The following CANX variants were observed in gnomAD, a reference collection of about 807,000 sequenced individuals.
CANX encodes calnexin, also known as epididymis secretory sperm binding protein.
CANX carries 14 observed loss-of-function variants against 75.7 expected under a neutral mutation model. The observed-to-expected ratio is 0.19, with a 90% CI of 0.12 to 0.29. The LOEUF (loss-of-function observed/expected upper bound fraction) is 0.29. Ranked by LOEUF, CANX falls within the 10% of genes least tolerant of loss-of-function variation. CANX has a pLI of 1.00. For missense variants in CANX, 567 were observed against 713.2 expected, an observed-to-expected ratio of 0.79 and a Z score of 2.34; for synonymous variants, 227 against 236.9, an observed-to-expected ratio of 0.96 and a Z score of 0.38.
chr5:179,698,787 A>G, upstream of CANX: 1 of 661,106 alleles, frequency 1.5e-6, no homozygotes, highest in Admixed American at 3.0e-5. Flanking sequence ...GCCAATCTTC[A>G]CACTCCACGA....
At chr5:179,714,629 T>C (rs1229736355) in intron 7 of CANX, among the ~76,000 whole-genome samples, 2 of 152,164 alleles carry the variant, frequency 1.3e-5, no homozygotes, top group Non-Finnish European at 2.9e-5. Flanking sequence ...GCCATTCTCC[T>C]GCCTCAGCCT....
At position 179,719,699 on chromosome 5, in the gene CANX, G is replaced by A. The variant is rs1291175824; in HGVS notation, c.943G>A (p.Glu315Lys). The change falls in exon 9 of 15, where the codon GAA becomes AAA. Residue 315 changes from glutamate to lysine, a missense_variant. Physicochemically the swap from Glu to Lys is moderately conservative, Grantham distance 56. Transcript: ENST00000247461. ...AGATGCCCCTGCTAAGATTCCAGAT[G>A]AAGAGGCCACAAAACCCGAAGGCTG... ...DEDAPAKIPD[E>K]EATKPEGWLD... is the part of the protein sequence containing the mutation. The A allele has an allele frequency of 6.2e-7, 1 of 1,612,480 alleles. No individual in the cohort carries two copies. Among genetic ancestry groups the A allele is most frequent in the Non-Finnish European group, 8.5e-7 (1 of 1,179,112 alleles).
intron 7 of CANX, 173 bp from the exon 8 acceptor site, chr5:179,715,932 A>G (rs547626863): frequency 5.8e-6 from 4 of 694,716 alleles, no homozygotes; most frequent in South Asian, 3.0e-5. Flanking sequence ...TGTTTCGTGC[A>G]TAAGGAAATG....
intron 5 of CANX, 49 bp from the exon 6 acceptor site, chr5:179,708,929 C>G: frequency 1.1e-6 from 1 of 942,636 alleles, no homozygotes; most frequent in Non-Finnish European, 1.8e-6. Context: ...AAGAGAGTTT[C>G]GATCTTTCAA....
chr5:179,719,916 G>A, intron 9 of CANX, 135 bp downstream of exon 9: 1 of 604,146 alleles, frequency 1.7e-6, no homozygotes, highest in South Asian at 2.1e-5. Flanking sequence ...TCACCTCCTG[G>A]GTTCAAGTGA....
At chr5:179,682,580 T>C (rs556364564) in intron 1 of CANX, among the ~76,000 whole-genome samples, 35 of 151,346 alleles carry the variant, frequency 2.3e-4, no homozygotes, top group Admixed American at 7.9e-4. Flanking sequence ...CATGGTGGTG[T>C]ATGCCTGTAA....
chr5:179,715,809 T>C, intron 7 of CANX: 1 of 415,892 alleles, frequency 2.4e-6, no homozygotes, highest in South Asian at 2.2e-5. Context: ...GTTTATGTAG[T>C]TTCTTGTTTT....
intron 8 of CANX, among the ~76,000 whole-genome samples, chr5:179,717,101 G>T (rs1778007316): frequency 6.6e-6 from 1 of 152,106 alleles, no homozygotes; most frequent in African/African-American, 2.4e-5. Context: ...ACTTCACACA[G>T]TGACTCCAGA....
intron 1 of CANX, among the ~76,000 whole-genome samples, chr5:179,689,070 G>A (rs1181551860): frequency 6.6e-6 from 1 of 152,040 alleles, no homozygotes; most frequent in Non-Finnish European, 1.5e-5. Context: ...CCAACATGGT[G>A]AAACCCCCTC....
At chr5:179,706,128 A>C (rs182102340) in intron 2 of CANX, 130 bp from the exon 3 acceptor site, 1 of 620,952 alleles carries the variant, frequency 1.6e-6, no homozygotes, top group East Asian at 2.8e-5. Flanking sequence ...GGCCAATTAT[A>C]TGGGTTGAAT....
upstream of CANX, chr5:179,698,792 C>G (rs1373918525): frequency 1.5e-6 from 1 of 668,820 alleles, no homozygotes; most frequent in South Asian, 1.7e-5. Context: ...TCTTCACACT[C>G]CACGAAGAAT....
chr5:179,704,074 C>G (rs1396768751), intron 1 of CANX: 3 of 152,112 alleles, frequency 2.0e-5, no homozygotes, highest in Non-Finnish European at 2.9e-5. Context: ...CCTGTACTTT[C>G]TCAAGCCCAA....
intron 10 of CANX, among the ~76,000 whole-genome samples, chr5:179,722,451 C>T (rs948608860): frequency 2.6e-5 from 4 of 152,082 alleles, no homozygotes; most frequent in Admixed American, 6.5e-5. Flanking sequence ...TGATCATGTG[C>T]GTTTTATTTT....
intron 1 of CANX, among the ~76,000 whole-genome samples, chr5:179,681,142 A>G (rs2127761537): frequency 6.6e-6 from 1 of 152,292 alleles, no homozygotes; most frequent in East Asian, 1.9e-4. Flanking sequence ...GAGCTGTCAG[A>G]TAGACTCTGG....
chr5:179,687,757 C>T (rs200644242), intron 1 of CANX, among the ~76,000 whole-genome samples: 52 of 152,068 alleles, frequency 3.4e-4, no homozygotes, highest in East Asian at 1.2e-3. Context: ...TTTTCAGCCA[C>T]GCACGGTGGC....
intron 1 of CANX, among the ~76,000 whole-genome samples, chr5:179,691,924 C>A (rs1194757726): frequency 6.6e-6 from 1 of 151,444 alleles, no homozygotes; most frequent in African/African-American, 2.4e-5. Flanking sequence ...ACTACAGGCA[C>A]CCGCCACCAC....
chr5:179,719,824 G>GT lies in CANX; in HGVS notation c.1025+46dup, dbSNP rs747591749. 2.3e-4 allele frequency: 253 copies of GT among 1,092,104 alleles called. No homozygotes were observed. The African/African-American group carries it at 2.5e-3, about 11-fold the overall frequency. 67.7% of individuals were successfully genotyped at this position (1,092,104 alleles called of 1,614,324 possible). A position where few individuals can be genotyped will look rare whatever the true frequency, so the allele number is the denominator to read the frequency against. On this transcript the variant is annotated intron_variant, in intron 9 of 14. Transcript: ENST00000247461. ...CTTTTTTTAATTACCTGGTTTTTTTGTTTGTTTTTTTTTTTGAGATGGAGT... is the reference window on the plus strand; with the variant it reads ...CTTTTTTTAATTACCTGGTTTTTTTGTTTTGTTTTTTTTTTTGAGATGGAGT...
chr5:179,711,531 A>G (rs1028732446), intron 7 of CANX, among the ~76,000 whole-genome samples: 2 of 151,946 alleles, frequency 1.3e-5, no homozygotes, highest in African/African-American at 4.8e-5. Flanking sequence ...GCTCGTGCCT[A>G]TAATCCCAGC....
chr5:179,712,286 C>T (rs1777616128), intron 7 of CANX, among the ~76,000 whole-genome samples: 1 of 151,954 alleles, frequency 6.6e-6, no homozygotes, highest in Non-Finnish European at 1.5e-5. Context: ...TATTTGGATG[C>T]TCCAATACCT....
Sources: gnomAD v4.1 joint callset for allele counts (sites outside exome capture counted in the v4.1 genomes callset) on GRCh38, gnomAD v4.1.1 for gene constraint, MANE v1.5 for transcripts, NCBI Gene and HGNC (gene_info 2026-07-23, HGNC 2026-07-21) for gene names.